The following DEGS1 variants were observed in gnomAD, a reference collection of about 807,000 sequenced individuals.
DEGS1 encodes sphingolipid delta(4)-desaturase DES1.
DEGS1 carries 17 observed loss-of-function variants against 24.1 expected under a neutral mutation model. The observed-to-expected ratio is 0.70, with a 90% CI of 0.48 to 1.06. The LOEUF is 1.06. DEGS1 is among the 50% of genes least tolerant of loss of function. DEGS1 has a pLI of 0.00. For synonymous variants in DEGS1, 134 were observed against 140.0 expected (o/e 0.96, Z 0.30); for missense variants, 366 against 408.9 (o/e 0.90, Z 0.91).
At chr1:224,183,546 C>A in intron 1 of DEGS1, 128 bp downstream of exon 1, 1 of 676,914 alleles carries the variant, frequency 1.5e-6, no homozygotes, top group Non-Finnish European at 2.0e-6. Context: ...CCCGTCGCGT[C>A]CCGTCGCCGC....
intron 1 of DEGS1, among the ~76,000 whole-genome samples, chr1:224,187,354 T>C (rs992981101): frequency 2.0e-5 from 3 of 152,068 alleles, no homozygotes; most frequent in African/African-American, 4.8e-5. Context: ...TTCACTGTTA[T>C]ACTTTAACAT....
chr1:224,190,609 AAAAAC>A (rs1558210520), intron 2 of DEGS1, among the ~76,000 whole-genome samples: 3 of 151,784 alleles, frequency 2.0e-5, no homozygotes, highest in African/African-American at 7.3e-5. Flanking sequence ...TAAAAAAAAA[AAAAAC>A]AAAAAGAGCA....
intron 2 of DEGS1, among the ~76,000 whole-genome samples, chr1:224,190,756 C>T (rs1340062179): frequency 1.3e-5 from 2 of 152,096 alleles, no homozygotes; most frequent in Admixed American, 1.3e-4. Flanking sequence ...GAGACAGGGT[C>T]TTGCCCTGTC....
chr1:224,190,180 T>A lies in DEGS1; in HGVS notation c.686T>A (p.Phe229Tyr). 1.9e-6 allele frequency: 3 copies of A among 1,577,866 alleles called. No homozygotes were observed. Among genetic ancestry groups the A allele is most frequent in the Non-Finnish European group, 2.6e-6 (3 of 1,164,658 alleles). ...GGTTTGCACCCAATTTCTGGACATT[T>A]TATAGCTGAGCATTACATGTTCTTA... ...GLGLHPISGHFIAEHYMFLKG... is the reference protein window; with the variant it reads ...GLGLHPISGHYIAEHYMFLKG... The change falls in exon 2 of 3, where the codon TTT (phenylalanine) becomes TAT (tyrosine). Residue 229 changes from phenylalanine (F) to tyrosine (Y), a missense_variant. Phe to Tyr is a conservative substitution (Grantham distance 22). Coordinates refer to ENST00000323699, the MANE Select transcript of DEGS1 (RefSeq NM_003676.4).
intron 1 of DEGS1, among the ~76,000 whole-genome samples, chr1:224,186,670 G>A (rs1226606825): frequency 1.4e-5 from 2 of 140,180 alleles, no homozygotes; most frequent in African/African-American, 5.4e-5. Flanking sequence ...CTGAGATGGT[G>A]CCACTGCACT....
chr1:224,188,101 A>G (rs952461658), intron 1 of DEGS1, among the ~76,000 whole-genome samples: 2 of 151,802 alleles, frequency 1.3e-5, no homozygotes, highest in African/African-American at 4.8e-5. Flanking sequence ...AGCCATTAGC[A>G]TAATATTTTA....
At position 224,189,562 on chromosome 1, in the gene DEGS1, G is replaced by GT. The variant is rs1358825051; in HGVS notation, c.83-9dup. 3.2e-6 allele frequency: 5 copies of GT among 1,541,282 alleles called. No individual in the cohort carries two copies. The highest frequency in any genetic ancestry group is 3.5e-6 in the Non-Finnish European group (4 of 1,146,982). On this transcript the variant is annotated splice_polypyrimidine_tract_variant and intron_variant, in intron 1 of 2. Coordinates refer to ENST00000323699, the MANE Select transcript of DEGS1 (RefSeq NM_003676.4). ...TACTTTTCTTAGTTCCTGTTTTTTT[G>GT]TTTTTTCTTTACAGCAAAGTATCCA... is the stretch of plus-strand genomic sequence containing the variant.
In DEGS1 at chr1:224,185,822, T is replaced by G. The variant is rs997240740; in HGVS notation, c.82+2404T>G. Among the ~76,000 whole-genome samples the G allele has an allele frequency of 5.3e-5, 8 of 152,292 alleles. No homozygotes were observed. In the East Asian group the frequency reaches 7.7e-4, roughly 15 times the overall value. On this transcript the variant is annotated intron_variant, in intron 1 of 2. Transcript: ENST00000323699. ...TATGATATATTTTATCAATGCCTTA[T>G]CTACATGTTACATAGGAATAATCTA...
At position 224,190,214 on chromosome 1, in the gene DEGS1, T is replaced by C; in HGVS notation, c.720T>C (p.His240=). The part of the protein sequence containing the change: ...IAEHYMFLKG[H]ETYSYYGPLN... Reference sequence around the variant, plus strand: ...AGCATTACATGTTCTTAAAGGGTCATGAAACTTACTCATATTATGGGCCTC... The same window carrying C: ...AGCATTACATGTTCTTAAAGGGTCACGAAACTTACTCATATTATGGGCCTC... Residue 240 remains histidine, a synonymous_variant, in exon 2 of 3, where the codon CAT becomes CAC. Transcript: ENST00000323699. 1 of 1,531,466 alleles carries C rather than the reference T, an allele frequency of 6.5e-7. No homozygotes were observed. The highest frequency in any genetic ancestry group is 1.3e-5 in the South Asian group (1 of 75,502). The allele number at this position is 1,531,466 out of a possible 1,614,324, so 94.9% of individuals were successfully genotyped here. A position where few individuals can be genotyped will look rare whatever the true frequency, so the allele number is the denominator to read the frequency against.
In DEGS1 at chr1:224,193,359, A is replaced by G. The variant is rs774784453; in HGVS notation, c.*881A>G. On this transcript the variant is annotated 3_prime_UTR_variant, in exon 3 of 3. Transcript: ENST00000323699. ...TACTCATTTAAAAATTTTAACTTCT[A>G]TATGGGACCCGAATTAGACACTGCT... is the stretch of plus-strand genomic sequence containing the variant. The G allele has an allele frequency of 6.6e-6, 1 of 152,262 alleles. No individual in the cohort carries two copies. The highest frequency in any genetic ancestry group is 1.5e-5 in the Non-Finnish European group (1 of 68,048). 9.4% of individuals were successfully genotyped at this position (152,262 alleles called of 1,614,324 possible). A position where few individuals can be genotyped will look rare whatever the true frequency, so the allele number is the denominator to read the frequency against.
rs1445744758 is a variant in DEGS1, at chr1:224,192,808, C to G, written c.*330C>G. 2 of 224,902 alleles carry G rather than the reference C, an allele frequency of 8.9e-6. No homozygotes were observed. The highest frequency in any genetic ancestry group is 4.8e-5 in the African/African-American group (2 of 42,024). 13.9% of individuals were successfully genotyped at this position (224,902 alleles called of 1,614,324 possible). A position where few individuals can be genotyped will look rare whatever the true frequency, so the allele number is the denominator to read the frequency against. On this transcript the variant is annotated 3_prime_UTR_variant, in exon 3 of 3. Transcript: ENST00000323699. ...GTGGCTCATGCCTATAATCCCAGCA[C>G]TTTGGGAGGCCAAGGTGGGTGGATC...
chr1:224,184,893 G>C (rs1417176400), intron 1 of DEGS1, among the ~76,000 whole-genome samples: 3 of 150,376 alleles, frequency 2.0e-5, no homozygotes, highest in Admixed American at 1.3e-4. Flanking sequence ...CTAGCACTTC[G>C]GGAGGCTGAG....
At chr1:224,185,287 C>G (rs1317394899) in intron 1 of DEGS1, among the ~76,000 whole-genome samples, 1 of 152,044 alleles carries the variant, frequency 6.6e-6, no homozygotes, top group African/African-American at 2.4e-5. Context: ...GCCACTGCAC[C>G]CGGTAACTTT....
intron 1 of DEGS1, among the ~76,000 whole-genome samples, chr1:224,184,499 TGTTTTTTG>T (rs767467179): frequency 3.5e-4 from 33 of 93,028 alleles, no homozygotes; most frequent in African/African-American, 9.3e-4. Context: ...TGCACGTGTT[TGTTTTTTG>T]TTTGTTTGTT....
In DEGS1 at chr1:224,192,420, C is replaced by T. The variant is rs773806699; in HGVS notation, c.914C>T (p.Thr305Ile). The T allele has an allele frequency of 1.2e-6, 2 of 1,613,340 alleles. No homozygotes were observed. Among genetic ancestry groups the T allele is most frequent in the Non-Finnish European group, 1.7e-6 (2 of 1,179,628 alleles). ...KVLYDFVMDD[T>I]ISPYSRMKRH... The stretch of plus-strand genomic sequence containing the variant: ...CTGTATGATTTTGTGATGGATGATA[C>T]AATAAGTCCCTACTCAAGAATGAAG... Residue 305 changes from threonine to isoleucine, a missense_variant, in exon 3 of 3, where the codon ACA becomes ATA. Physicochemically the swap from Thr to Ile is moderately conservative, Grantham distance 89. Coordinates refer to ENST00000323699, the MANE Select transcript of DEGS1 (RefSeq NM_003676.4).
chr1:224,187,837 C>T lies in DEGS1; in HGVS notation c.83-1740C>T, dbSNP rs182764416. On this transcript the variant is annotated intron_variant, in intron 1 of 2. Transcript: ENST00000323699. ...AGTCCCTCATATCCCCTGCTTCTAC[C>T]TAGGTAACCACTAATCTACTTTGTG... 1.6e-3 allele frequency among the ~76,000 whole-genome samples: 239 copies of T among 152,272 alleles called. 1 individual carries two copies. The highest frequency in any genetic ancestry group is 5.6e-3 in the African/African-American group (233 of 41,550).
rs142035782 is a variant in DEGS1 at position 224,190,135 on chromosome 1, C to G, written c.641C>G (p.Ala214Gly). The change falls in exon 2 of 3, where the codon GCA becomes GGA. Residue 214 changes from alanine to glycine, a missense_variant. Coordinates refer to ENST00000323699, the MANE Select transcript of DEGS1 (RefSeq NM_003676.4). ...ATTAAATCCTTAGTCTACATGTTGG[C>G]AGCATCTTTACTTGGCCTGGGTTTG... is the stretch of plus-strand genomic sequence containing the variant. ...LGIKSLVYML[A>G]ASLLGLGLHP... is the part of the protein sequence containing the mutation. 9 of 1,608,824 alleles carry G rather than the reference C, an allele frequency of 5.6e-6. No homozygotes were observed. The highest frequency in any genetic ancestry group is 3.4e-5 in the Admixed American group (2 of 59,120).
rs772169274 is a variant in DEGS1, at chr1:224,189,663, G to A, written c.169G>A (p.Ala57Thr). The change falls in exon 2 of 3, where the codon GCA (alanine) becomes ACA (threonine). Residue 57 changes from alanine (A) to threonine (T), a missense_variant. Transcript: ENST00000323699. ...TATGATGGTTCTCACCCAGTTGGGTGCATTTTACATAGTAAAAGACTTGGA... is the reference window on the plus strand; with the variant it reads ...TATGATGGTTCTCACCCAGTTGGGTACATTTTACATAGTAAAAGACTTGGA... ...IIMMVLTQLG[A>T]FYIVKDLDWK... is the part of the protein sequence containing the mutation. 2.0e-5 allele frequency: 32 copies of A among 1,614,028 alleles called. No individual in the cohort carries two copies. The Admixed American group carries it at 2.8e-4, about 14-fold the overall frequency.
chr1:224,183,547 C>T (rs1485342039), intron 1 of DEGS1, 129 bp downstream of exon 1: 8 of 677,422 alleles, frequency 1.2e-5, no homozygotes, highest in South Asian at 7.5e-5. Flanking sequence ...CCGTCGCGTC[C>T]CGTCGCCGCT....
Sources: allele counts gnomAD v4.1 joint callset (sites outside exome capture counted in the v4.1 genomes callset), GRCh38; gene constraint gnomAD v4.1.1; transcripts MANE v1.5; gene names NCBI Gene and HGNC (gene_info 2026-07-23, HGNC 2026-07-21).